Variants in JARID2 observed in about 807,000 individuals in gnomAD.
JARID2 encodes jumonji and AT-rich interaction domain containing 2.
A neutral mutation model predicts 125.6 loss-of-function variants in JARID2; 21 were observed. The ratio of observed to expected loss-of-function variants is 0.17; its 90% CI spans 0.12 to 0.24. JARID2 has a LOEUF of 0.24. Ranked by LOEUF, JARID2 falls within the 10% of genes least tolerant of loss-of-function variation. The pLI, the probability that JARID2 is intolerant of heterozygous loss-of-function variation, is 1.00. For synonymous variants in JARID2, 736 were observed against 661.6 expected (o/e 1.11, Z -1.73); for missense variants, 1,303 against 1,639.6 (o/e 0.79, Z 3.55).
rs763760052 is a variant in JARID2 at position 15,374,184 on chromosome 6, A to G, written c.113A>G (p.Lys38Arg). Residue 38 changes from lysine (K) to arginine (R), a missense_variant, in exon 2 of 18, where the codon AAG becomes AGG. Lys to Arg is a conservative substitution (Grantham distance 26, BLOSUM62 2). This residue lies in a region of JARID2 where 93 missense variants were observed against 120.4 expected (regional missense o/e 0.77). Coordinates refer to ENST00000341776, the MANE Select transcript of JARID2 (RefSeq NM_004973.4). ...CGTAAAGTCCTTTATTTGTCTCTGA[A>G]GGAGTTCAAGAATTCCCAGAAGAGG... ...VVRKVLYLSL[K>R]EFKNSQKRQH... 3 of 1,614,118 alleles carry G rather than the reference A, an allele frequency of 1.9e-6. No individual in the cohort carries two copies. The highest frequency in any genetic ancestry group is 2.5e-6 in the Non-Finnish European group (3 of 1,179,970).
chr6:15,430,462 A>G (rs1019992435), intron 3 of JARID2, among the ~76,000 whole-genome samples: 1 of 152,232 alleles, frequency 6.6e-6, no homozygotes, highest in Non-Finnish European at 1.5e-5. Flanking sequence ...GTGGTTGCCA[A>G]TTATATGTTG....
intron 1 of JARID2, among the ~76,000 whole-genome samples, chr6:15,344,104 ATTTTTTTTTTTTTT>A (rs58867061): frequency 7.8e-5 from 7 of 89,196 alleles, no homozygotes; most frequent in East Asian, 3.9e-4. Context: ...GTATGTAGTG[ATTTTTTTTTTTTTT>A]TTTTTTTTTT....
chr6:15,257,941 G>C (rs1759730436), intron 1 of JARID2, among the ~76,000 whole-genome samples: 1 of 152,184 alleles, frequency 6.6e-6, no homozygotes, highest in Admixed American at 6.5e-5. Context: ...TTATTAGTCA[G>C]AACAGCTCCA....
intron 1 of JARID2, among the ~76,000 whole-genome samples, chr6:15,351,568 C>T (rs779585497): frequency 1.1e-4 from 17 of 152,232 alleles, no homozygotes; most frequent in African/African-American, 2.2e-4. Flanking sequence ...GCATGTGTAG[C>T]GTCTGATGCT....
intron 1 of JARID2, among the ~76,000 whole-genome samples, chr6:15,299,384 G>C (rs1296294466): frequency 2.6e-5 from 4 of 152,174 alleles, no homozygotes; most frequent in Non-Finnish European, 5.9e-5. Flanking sequence ...CTGGGATCAT[G>C]AGTTAAGGTC....
At chr6:15,297,302 C>T (rs2127405132) in intron 1 of JARID2, among the ~76,000 whole-genome samples, 1 of 152,124 alleles carries the variant, frequency 6.6e-6, no homozygotes, top group Admixed American at 6.5e-5. Flanking sequence ...GGCGCCGCCA[C>T]CACGCCTGGC....
rs71535043 is a variant in JARID2 at position 15,456,878 on chromosome 6, C to CTTTTTTTTTTTTTT, written c.493+4710_493+4723dup. 2.1e-5 allele frequency among the ~76,000 whole-genome samples: 2 copies of CTTTTTTTTTTTTTT among 95,670 alleles called. 1 individual carries two copies. Among genetic ancestry groups the CTTTTTTTTTTTTTT allele is most frequent in the Non-Finnish European group, 3.9e-5 (2 of 51,836 alleles). 62.8% of individuals were successfully genotyped at this position (95,670 alleles called of 152,430 possible). Reference sequence around the variant, plus strand: ...AATTTAAGAAAAACAGGATGTTAAGCTTTTTTTTTTTTTTTTTTTTACAAT... The same window carrying CTTTTTTTTTTTTTT: ...AATTTAAGAAAAACAGGATGTTAAGCTTTTTTTTTTTTTTTTTTTTTTTTTTTTTTTTTTACAAT... On this transcript the variant is annotated intron_variant, in intron 4 of 17. Transcript: ENST00000341776.
At chr6:15,380,937 C>T (rs940311008) in intron 2 of JARID2, among the ~76,000 whole-genome samples, 2 of 152,000 alleles carry the variant, frequency 1.3e-5, no homozygotes, top group Non-Finnish European at 2.9e-5. Flanking sequence ...CCTTCCTCTA[C>T]GAAGGGGAAC....
rs1260511549 is a variant in JARID2 at position 15,521,768 on chromosome 6, T to C, written c.*1517T>C. ...TGTTGTTGCAGAAGACTGAACTGTTTTGGAATATTTAACAATTACAGAAAC... is the reference window on the plus strand; with the variant it reads ...TGTTGTTGCAGAAGACTGAACTGTTCTGGAATATTTAACAATTACAGAAAC... On this transcript the variant is annotated 3_prime_UTR_variant, in exon 18 of 18. Coordinates refer to ENST00000341776, the MANE Select transcript of JARID2 (RefSeq NM_004973.4). 1 of 152,262 alleles carries C rather than the reference T, an allele frequency of 6.6e-6. No individual in the cohort carries two copies. Among genetic ancestry groups the C allele is most frequent in the Non-Finnish European group, 1.5e-5 (1 of 68,062 alleles). The allele number at this position is 152,262 out of a possible 1,614,324, so 9.4% of individuals were successfully genotyped here.
At chr6:15,513,156 C>T (rs987784727) in intron 15 of JARID2, 83 bp from the exon 16 acceptor site, 39 of 1,515,994 alleles carry the variant, frequency 2.6e-5, no homozygotes, top group Admixed American at 2.2e-4. Flanking sequence ...GCAGGGAGGC[C>T]GGTGTGGGGT....
intron 3 of JARID2, among the ~76,000 whole-genome samples, chr6:15,437,812 A>G (rs1272820329): frequency 6.6e-6 from 1 of 152,138 alleles, no homozygotes; most frequent in Non-Finnish European, 1.5e-5. Context: ...CAAAAAAAAA[A>G]AGAAAGAATT....
At chr6:15,291,183 C>T (rs1761198618) in intron 1 of JARID2, among the ~76,000 whole-genome samples, 1 of 152,166 alleles carries the variant, frequency 6.6e-6, no homozygotes, top group South Asian at 2.1e-4. Context: ...TGTTGTGAGC[C>T]GTGATTGCAC....
At chr6:15,388,467 G>A (rs1190470285) in intron 2 of JARID2, among the ~76,000 whole-genome samples, 1 of 151,814 alleles carries the variant, frequency 6.6e-6, no homozygotes, top group African/African-American at 2.4e-5. Flanking sequence ...TTTCTGTAGA[G>A]TCCCAGATTT....
chr6:15,377,204 T>C (rs7771388), intron 2 of JARID2, among the ~76,000 whole-genome samples: 4 of 152,314 alleles, frequency 2.6e-5, no homozygotes, highest in East Asian at 3.9e-4. Flanking sequence ...GAAGAAAAAG[T>C]GGTTTAATTG....
Position 15,520,820 on chromosome 6 carries a change from G to C in JARID2, c.*569G>C, listed in dbSNP as rs1005013441. On this transcript the variant is annotated 3_prime_UTR_variant, in exon 18 of 18. Transcript: ENST00000341776. ...GTTTCTCTGGGCGGTTGTGGCAGCT[G>C]AAGGCGGACGTTGTTTCCTAACCAT... 4.4e-6 allele frequency: 2 copies of C among 455,890 alleles called. No homozygotes were observed. The highest frequency in any genetic ancestry group is 8.8e-6 in the Non-Finnish European group (2 of 226,790). 28.2% of individuals were successfully genotyped at this position (455,890 alleles called of 1,614,324 possible).
intron 3 of JARID2, among the ~76,000 whole-genome samples, chr6:15,420,000 C>G (rs1447698301): frequency 6.6e-6 from 1 of 152,178 alleles, no homozygotes; most frequent in Admixed American, 6.5e-5. Context: ...CTGAAGTTGT[C>G]CCATAGCTCA....
At position 15,457,975 on chromosome 6, in the gene JARID2, T is replaced by C. The variant is rs938492697; in HGVS notation, c.493+5800T>C. Among the ~76,000 whole-genome samples, 22 of 152,324 alleles carry C rather than the reference T, an allele frequency of 1.4e-4. No individual in the cohort carries two copies. In the South Asian group the frequency reaches 4.3e-3, roughly 30 times the overall value. On this transcript the variant is annotated intron_variant, in intron 4 of 17. Coordinates refer to ENST00000341776, the MANE Select transcript of JARID2 (RefSeq NM_004973.4). ...CAGGAAAGGAGGATGGGATGAATAG[T>C]GCAGCCGGCCCGAGGTATTTGCCCG...
Position 15,280,410 on chromosome 6 carries a change from C to T in JARID2, c.45+33826C>T, listed in dbSNP as rs115200453. ...TGTTCCTGTAATTTTCTTCCGTGTT[C>T]CTTCCTCCTCCTGCATTAAAAAAGA... On this transcript the variant is annotated intron_variant, in intron 1 of 17. Transcript: ENST00000341776. Among the ~76,000 whole-genome samples the T allele has an allele frequency of 4.4e-3, 677 of 152,144 alleles. 6 individuals carry two copies. The highest frequency in any genetic ancestry group is 0.015 in the African/African-American group (639 of 41,492).
At chr6:15,359,661 C>G (rs757931436) in intron 1 of JARID2, among the ~76,000 whole-genome samples, 5 of 151,454 alleles carry the variant, frequency 3.3e-5, no homozygotes, top group Non-Finnish European at 7.4e-5. Flanking sequence ...TGATTATAAC[C>G]TCAGCGGGTA....
Sources: gnomAD v4.1 joint callset for allele counts (sites outside exome capture counted in the v4.1 genomes callset) on GRCh38, gnomAD v4.1.1 for gene constraint, gnomAD v4.1.1 regional missense constraint, MANE v1.5 for transcripts, NCBI Gene and HGNC (gene_info 2026-07-23, HGNC 2026-07-21) for gene names.